Variants in CTNNA2 observed in about 807,000 individuals in gnomAD.
CTNNA2 encodes the protein catenin alpha 2.
In CTNNA2, 42 loss-of-function variants were observed where a neutral mutation model predicts 101.0. That is an observed-to-expected ratio of 0.42 (90% CI 0.32 to 0.54). CTNNA2 has a LOEUF of 0.54. Among genes scored for constraint, CTNNA2 ranks in the 20% least tolerant of loss-of-function variants. The pLI, the probability that CTNNA2 is intolerant of heterozygous loss-of-function variation, is 0.14. For missense variants in CTNNA2, 871 were observed against 1,223.1 expected, an observed-to-expected ratio of 0.71 and a Z score of 4.29; for synonymous variants, 450 against 456.4, an observed-to-expected ratio of 0.99 and a Z score of 0.18.
At chr2:80,115,397 T>C (rs577275069) in intron 7 of CTNNA2, among the ~76,000 whole-genome samples, 1 of 152,346 alleles carries the variant, frequency 6.6e-6, no homozygotes, top group Admixed American at 6.5e-5. Flanking sequence ...AGACGTTATC[T>C]ACCTGACACG....
chr2:79,230,528 G>A (rs965827216), intron 2 of CTNNA2, among the ~76,000 whole-genome samples: 3 of 152,204 alleles, frequency 2.0e-5, no homozygotes, highest in Admixed American at 2.0e-4. Context: ...TTTGCTGCAG[G>A]GGTAGAGCCC....
At chr2:79,964,927 G>A (rs534642853) in intron 7 of CTNNA2, among the ~76,000 whole-genome samples, 2 of 152,170 alleles carry the variant, frequency 1.3e-5, no homozygotes, top group Non-Finnish European at 2.9e-5. Flanking sequence ...CTATGTGTAG[G>A]TGGGATGCCA....
intron 4 of CTNNA2, among the ~76,000 whole-genome samples, chr2:79,406,638 G>C (rs967891518): frequency 3.3e-5 from 5 of 151,948 alleles, no homozygotes; most frequent in African/African-American, 1.2e-4. Context: ...AGGAGTTAAA[G>C]GTGCTTATCC....
At chr2:80,373,704 G>T (rs1415626457) in intron 7 of CTNNA2, among the ~76,000 whole-genome samples, 7 of 152,148 alleles carry the variant, frequency 4.6e-5, no homozygotes, top group African/African-American at 1.2e-4. Context: ...GACTCTAGAA[G>T]GAGCTTGAGA....
chr2:80,067,419 TTTTA>T (rs569157682), intron 7 of CTNNA2, among the ~76,000 whole-genome samples: 31 of 152,266 alleles, frequency 2.0e-4, no homozygotes, highest in African/African-American at 4.6e-4. Flanking sequence ...ACATATATAA[TTTTA>T]TTTGTCAACT....
intron 2 of CTNNA2, among the ~76,000 whole-genome samples, chr2:79,275,784 G>A (rs575715720): frequency 6.6e-6 from 1 of 151,834 alleles, no homozygotes; most frequent in African/African-American, 2.4e-5. Flanking sequence ...CTATGCATTG[G>A]GCATTGTGTT....
chr2:79,367,760 G>C (rs1275079653), intron 3 of CTNNA2, among the ~76,000 whole-genome samples: 1 of 152,120 alleles, frequency 6.6e-6, no homozygotes, highest in Admixed American at 6.6e-5. Flanking sequence ...TGGGCTATGA[G>C]GCATTAGTAA....
intron 2 of CTNNA2, among the ~76,000 whole-genome samples, chr2:79,262,686 T>C (rs1674939058): frequency 1.3e-5 from 2 of 152,166 alleles, no homozygotes; most frequent in Admixed American, 1.3e-4. Context: ...TCAGAAACTT[T>C]GGGAGTGGGA....
chr2:80,123,216 C>G (rs1037583676), intron 7 of CTNNA2, among the ~76,000 whole-genome samples: 3 of 152,172 alleles, frequency 2.0e-5, no homozygotes, highest in Non-Finnish European at 2.9e-5. Flanking sequence ...AGCTCCCAAG[C>G]ATTTCGTTCT....
chr2:79,597,628 C>CT (rs1677286865), intron 1 of CTNNA2, among the ~76,000 whole-genome samples: 1 of 152,022 alleles, frequency 6.6e-6, no homozygotes, highest in Non-Finnish European at 1.5e-5. Flanking sequence ...AATTTACAAA[C>CT]TTTATTTTTT....
chr2:80,119,000 C>T (rs982491988), intron 7 of CTNNA2, among the ~76,000 whole-genome samples: 1 of 152,226 alleles, frequency 6.6e-6, no homozygotes. Flanking sequence ...ATGCAATACG[C>T]TACCCTCTTT....
chr2:79,505,860 A>G (rs1327009668), intron 5 of CTNNA2, among the ~76,000 whole-genome samples: 1 of 152,248 alleles, frequency 6.6e-6, no homozygotes, highest in Non-Finnish European at 1.5e-5. Flanking sequence ...TTAATGGTAC[A>G]AACTGTGTCT....
At chr2:79,212,516 AG>A (rs1572980995) in intron 2 of CTNNA2, among the ~76,000 whole-genome samples, 1 of 152,162 alleles carries the variant, frequency 6.6e-6, no homozygotes, top group Non-Finnish European at 1.5e-5. Context: ...AAAGACCAAT[AG>A]TACATTCTAC....
In CTNNA2 at chr2:79,457,675, G is replaced by A. The variant is rs914994748; in HGVS notation, c.-134-47379G>A. ...TACTTACCTTAGTTACGGAAACTCC[G>A]CGAGTATTTCCCTAAGGAGGGAAAA... On this transcript the variant is annotated intron_variant, in intron 4 of 21. Coordinates refer to the CTNNA2 transcript ENST00000466387. Among the ~76,000 whole-genome samples the A allele has an allele frequency of 6.6e-5, 10 of 152,228 alleles. 1 individual carries two copies. The highest frequency in any genetic ancestry group is 4.1e-4 in the South Asian group (2 of 4,828).
intron 7 of CTNNA2, among the ~76,000 whole-genome samples, chr2:80,338,943 T>C (rs977785233): frequency 3.9e-5 from 6 of 152,226 alleles, no homozygotes; most frequent in Non-Finnish European, 8.8e-5. Flanking sequence ...GAATGCACAT[T>C]TTCTATCCCT....
chr2:80,098,867 C>A (rs745910121), intron 7 of CTNNA2, among the ~76,000 whole-genome samples: 1 of 152,122 alleles, frequency 6.6e-6, no homozygotes, highest in Non-Finnish European at 1.5e-5. Context: ...GCGCAGTATT[C>A]GGGTGGAAGT....
intron 3 of CTNNA2, among the ~76,000 whole-genome samples, chr2:79,765,777 T>C (rs1673109050): frequency 6.6e-6 from 1 of 152,220 alleles, no homozygotes; most frequent in Non-Finnish European, 1.5e-5. Context: ...AGATGTGATC[T>C]TTCTCTTTTT....
intron 7 of CTNNA2, among the ~76,000 whole-genome samples, chr2:80,268,088 C>T (rs1359265096): frequency 6.6e-6 from 1 of 152,232 alleles, no homozygotes; most frequent in East Asian, 1.9e-4. Context: ...TCAGCTCTTG[C>T]TTTTCTGGAA....
At chr2:80,003,909 G>C (rs1449892745) in intron 7 of CTNNA2, among the ~76,000 whole-genome samples, 2 of 152,162 alleles carry the variant, frequency 1.3e-5, no homozygotes, top group Admixed American at 1.3e-4. Context: ...AGCTTTAGGA[G>C]AACAAGGGAA....
Sources: allele counts gnomAD v4.1 joint callset (sites outside exome capture counted in the v4.1 genomes callset), GRCh38; gene constraint gnomAD v4.1.1; transcripts MANE v1.5; gene names NCBI Gene and HGNC (gene_info 2026-07-23, HGNC 2026-07-21).